The following KIF13A variants were observed in gnomAD, a reference collection of about 807,000 sequenced individuals.
KIF13A encodes kinesin-like protein KIF13A.
In KIF13A, 79 loss-of-function variants were observed where a neutral mutation model predicts 212.2. The ratio of observed to expected loss-of-function variants is 0.37; its 90% CI spans 0.31 to 0.45. KIF13A has a LOEUF of 0.45. KIF13A is among the 20% of genes least tolerant of loss of function. The probability of loss-of-function intolerance (pLI) is 1.00; values close to 1 mark genes in which losing one functional copy is unlikely to be tolerated. For synonymous variants in KIF13A, 789 were observed against 808.6 expected (o/e 0.98, Z 0.41); for missense variants, 1,901 against 2,209.0 (o/e 0.86, Z 2.79).
Position 17,934,559 on chromosome 6 carries a change from G to A in KIF13A, c.147-36379C>T, listed in dbSNP as rs936057656. 2.0e-5 allele frequency among the ~76,000 whole-genome samples: 3 copies of A among 152,210 alleles called. No homozygotes were observed. The highest frequency in any genetic ancestry group is 4.8e-5 in the African/African-American group (2 of 41,454). ...CCCAAAACTCTGGGAGACAGAGGCA[G>A]AGAGGATCACTTGAGCCCAGAAATT... On this transcript the variant is annotated intron_variant, in intron 2 of 38. Coordinates refer to ENST00000259711, the MANE Select transcript of KIF13A (RefSeq NM_022113.6). The surrounding 1 kb of genome is among the most constrained non-coding windows in gnomAD (Gnocchi z 5.4).
intron 17 of KIF13A, among the ~76,000 whole-genome samples, chr6:17,810,260 C>T (rs1327279919): frequency 6.6e-6 from 1 of 152,216 alleles, no homozygotes; most frequent in Non-Finnish European, 1.5e-5. Flanking sequence ...AATAATCTCA[C>T]AGTACCCAGG....
At position 17,808,804 on chromosome 6, in the gene KIF13A, A is replaced by C. The variant is rs1562000418; in HGVS notation, c.2127T>G (p.Leu709=). 1 of 1,613,886 alleles carries C rather than the reference A, an allele frequency of 6.2e-7. No individual in the cohort carries two copies. The highest frequency in any genetic ancestry group is 8.5e-7 in the Non-Finnish European group (1 of 1,179,856). ...CACTGAGGTTTGCAGCAGGGATCTGAAGAGTCACTTGGTAATCGGTGAGTT... is the reference window on the plus strand; with the variant it reads ...CACTGAGGTTTGCAGCAGGGATCTGCAGAGTCACTTGGTAATCGGTGAGTT... The part of the protein sequence containing the change: ...MSKLTDYQVT[L]QIPAANLSAN... The change falls in exon 18 of 39, where the codon CTT becomes CTG. Residue 709 remains leucine, a synonymous_variant. Coordinates refer to ENST00000259711, the MANE Select transcript of KIF13A (RefSeq NM_022113.6).
rs770131646 is a variant in KIF13A, at chr6:17,926,930, G to A, written c.147-28750C>T. On this transcript the variant is annotated intron_variant, in intron 2 of 38. Transcript: ENST00000259711. This position sits in a 1 kb window ranked among gnomAD's most constrained non-coding sequence, Gnocchi z 4.3. ...AGGCAGGCAGATCACTTCAGATCAG[G>A]AGTTCGAGACCAGCTGCGCCAACAT... Among the ~76,000 whole-genome samples the A allele has an allele frequency of 9.9e-5, 15 of 152,070 alleles. No homozygotes were observed. The highest frequency in any genetic ancestry group is 2.1e-4 in the Non-Finnish European group (14 of 68,018).
chr6:17,946,611 TA>T (rs1777423412), intron 2 of KIF13A, among the ~76,000 whole-genome samples: 1 of 152,224 alleles, frequency 6.6e-6, no homozygotes, highest in African/African-American at 2.4e-5. Context: ...TCTGCATCAG[TA>T]AAAATTTTAA....
chr6:17,950,904 T>C lies in KIF13A; in HGVS notation c.146+36150A>G, dbSNP rs950525782. The C allele has an allele frequency of 5.2e-5, 51 of 983,256 alleles. No individual in the cohort carries two copies. In the African/African-American group the frequency reaches 8.7e-4, roughly 17 times the overall value. The allele number at this position is 983,256 out of a possible 1,614,324, so 60.9% of individuals were successfully genotyped here. On this transcript the variant is annotated intron_variant, in intron 2 of 38. Coordinates refer to ENST00000259711, the MANE Select transcript of KIF13A (RefSeq NM_022113.6). Reference sequence around the variant, plus strand: ...TGTGGGATAATTAGAAACAACCGTATCCACCCACCCAGAGAAATCTCTAAT... The same window carrying C: ...TGTGGGATAATTAGAAACAACCGTACCCACCCACCCAGAGAAATCTCTAAT...
intron 16 of KIF13A, among the ~76,000 whole-genome samples, chr6:17,818,981 G>A (rs1222429204): frequency 6.7e-6 from 1 of 149,722 alleles, no homozygotes; most frequent in Non-Finnish European, 1.5e-5. Context: ...CCTGACATGA[G>A]TTCCTAAAAT....
rs564365892 is a variant in KIF13A at position 17,963,427 on chromosome 6, T to A, written c.146+23627A>T. ...GAGCAAAACTCCAACTCAAAAAAAA[T>A]AAATAAATAAAAATAGAAGAGCATC... On this transcript the variant is annotated intron_variant, in intron 2 of 38. Coordinates refer to ENST00000259711, the MANE Select transcript of KIF13A (RefSeq NM_022113.6). The surrounding 1 kb of genome is among the most constrained non-coding windows in gnomAD (Gnocchi z 4.1). Among the ~76,000 whole-genome samples the A allele has an allele frequency of 4.7e-4, 71 of 151,848 alleles. No individual in the cohort carries two copies. The highest frequency in any genetic ancestry group is 3.3e-3 in the South Asian group (16 of 4,810).
intron 2 of KIF13A, among the ~76,000 whole-genome samples, chr6:17,939,397 G>A (rs938239523): frequency 6.6e-6 from 1 of 152,156 alleles, no homozygotes; most frequent in Non-Finnish European, 1.5e-5. Flanking sequence ...GGCCATTCGA[G>A]TTTATTTTTC....
chr6:17,927,626 T>C (rs1001404801), intron 2 of KIF13A, among the ~76,000 whole-genome samples: 2 of 152,226 alleles, frequency 1.3e-5, no homozygotes, highest in Non-Finnish European at 1.5e-5. Flanking sequence ...ATGTATTTGA[T>C]ACCACTGAAT....
chr6:17,874,085 C>T lies in KIF13A; in HGVS notation c.160-648G>A, dbSNP rs115435843. On this transcript the variant is annotated intron_variant, in intron 3 of 38. Transcript: ENST00000259711. Reference sequence around the variant, plus strand: ...TCTCGCAAGTCCATGGTTTCAGCAACCATGGAACCTTCCAGGTCGATCTCC... The same window carrying T: ...TCTCGCAAGTCCATGGTTTCAGCAATCATGGAACCTTCCAGGTCGATCTCC... Among the ~76,000 whole-genome samples the T allele has an allele frequency of 4.0e-3, 605 of 152,270 alleles. 3 individuals are homozygous for T. Among genetic ancestry groups the T allele is most frequent in the Non-Finnish European group, 5.6e-3 (382 of 68,008 alleles).
chr6:17,953,960 C>A, intron 2 of KIF13A: 1 of 161,354 alleles, frequency 6.2e-6, no homozygotes, highest in South Asian at 1.7e-4. Context: ...AAAAATTTTG[C>A]TCACATTCCT....
intron 2 of KIF13A, among the ~76,000 whole-genome samples, chr6:17,972,784 C>T (rs1037291472): frequency 6.6e-6 from 1 of 150,978 alleles, no homozygotes; most frequent in Non-Finnish European, 1.5e-5. Context: ...GCAAAGCTTC[C>T]CTTTCCTCAA....
chr6:17,855,298 G>C lies in KIF13A; in HGVS notation c.494+139C>G. On this transcript the variant is annotated intron_variant, in intron 6 of 38. Transcript: ENST00000259711. This position sits in a 1 kb window ranked among gnomAD's most constrained non-coding sequence, Gnocchi z 4.1. ...GTATACCAAAAGGCTTTGAGAAGCT[G>C]ATGATTTTTCTGTAAATGAATGAAA... is the stretch of plus-strand genomic sequence containing the variant. 1 of 648,636 alleles carries C rather than the reference G, an allele frequency of 1.5e-6. No homozygotes were observed. Among genetic ancestry groups the C allele is most frequent in the Non-Finnish European group, 2.5e-6 (1 of 393,642 alleles). 40.2% of individuals were successfully genotyped at this position (648,636 alleles called of 1,614,324 possible).
At chr6:17,955,265 C>T (rs773426903) in intron 2 of KIF13A, among the ~76,000 whole-genome samples, 1 of 152,178 alleles carries the variant, frequency 6.6e-6, no homozygotes, top group African/African-American at 2.4e-5. Flanking sequence ...CTATTAGTAG[C>T]GAAGCCAGGA....
chr6:17,796,536 G>A (rs964447970), intron 23 of KIF13A, 133 bp downstream of exon 23: 37 of 561,268 alleles, frequency 6.6e-5, no homozygotes, highest in Admixed American at 1.4e-4. Flanking sequence ...CACCGCACCT[G>A]GCCATTCTTT....
At chr6:17,939,817 C>T (rs1202041532) in intron 2 of KIF13A, among the ~76,000 whole-genome samples, 2 of 151,976 alleles carry the variant, frequency 1.3e-5, no homozygotes, top group Non-Finnish European at 2.9e-5. Flanking sequence ...CTTTGGGAGG[C>T]GGAGGCGGGT....
At position 17,918,871 on chromosome 6, in the gene KIF13A, T is replaced by G. The variant is rs987841805; in HGVS notation, c.147-20691A>C. On this transcript the variant is annotated intron_variant, in intron 2 of 38. Coordinates refer to ENST00000259711, the MANE Select transcript of KIF13A (RefSeq NM_022113.6). The surrounding 1 kb of genome is among the most constrained non-coding windows in gnomAD (Gnocchi z 4.8). ...GTTTCCTTCTCAGCACCTTTCGCCA[T>G]GTTAAACCATTTCATTATTTATTTG... 6.6e-6 allele frequency among the ~76,000 whole-genome samples: 1 copy of G among 152,186 alleles called. No individual in the cohort carries two copies. Among genetic ancestry groups the G allele is most frequent in the African/African-American group, 2.4e-5 (1 of 41,436 alleles).
At chr6:17,977,122 A>C (rs964401758) in intron 2 of KIF13A, among the ~76,000 whole-genome samples, 5 of 150,518 alleles carry the variant, frequency 3.3e-5, no homozygotes, top group African/African-American at 9.8e-5. Context: ...AACAAAAAAA[A>C]AAAAAAAAAA....
intron 19 of KIF13A, 85 bp downstream of exon 19, chr6:17,805,370 CGTGTGTGTGTGTGTGTGTGT>C (rs59526903): frequency 0.031 from 21,845 of 699,154 alleles, 66 homozygotes; most frequent in East Asian, 0.064. Flanking sequence ...AGCACATCTC[CGTGTGTGTGTGTGTGTGTGT>C]GTGTGTGTGT....
Sources: allele counts gnomAD v4.1 joint callset (sites outside exome capture counted in the v4.1 genomes callset), GRCh38; gene constraint gnomAD v4.1.1; non-coding constraint Gnocchi (gnomAD v3.1); transcripts MANE v1.5; gene names NCBI Gene and HGNC (gene_info 2026-07-23, HGNC 2026-07-21).